EVL: variants seen among roughly 807,000 people sequenced by gnomAD.
EVL encodes Enah/Vasp-like.
A neutral mutation model predicts 59.6 loss-of-function variants in EVL; 21 were observed. That is an observed-to-expected ratio of 0.35 (90% CI 0.25 to 0.51). The LOEUF is 0.51. Ranked by LOEUF, EVL falls within the 20% of genes least tolerant of loss-of-function variation. The pLI, the probability that EVL is intolerant of heterozygous loss-of-function variation, is 0.97. For synonymous variants in EVL, 198 were observed against 203.5 expected (o/e 0.97, Z 0.23); for missense variants, 462 against 546.6 (o/e 0.85, Z 1.54).
intron 1 of EVL, among the ~76,000 whole-genome samples, chr14:100,015,182 C>CT (rs2061041169): frequency 6.6e-6 from 1 of 152,218 alleles, no homozygotes; most frequent in African/African-American, 2.4e-5. Context: ...CTTAAACTCT[C>CT]TGTTTATTGG....
At chr14:100,091,064 A>G (rs960981733) in intron 2 of EVL, among the ~76,000 whole-genome samples, 2 of 152,190 alleles carry the variant, frequency 1.3e-5, no homozygotes, top group African/African-American at 4.8e-5. Context: ...ATATTATCAT[A>G]TATGTATTAG....
chr14:100,023,881 A>G (rs1310999832), intron 1 of EVL, among the ~76,000 whole-genome samples: 5 of 152,160 alleles, frequency 3.3e-5, no homozygotes, highest in African/African-American at 4.8e-5. Flanking sequence ...GTGAAATACC[A>G]TGTAGTTTTC....
chr14:99,994,454 T>C (rs1372552713), intron 1 of EVL, among the ~76,000 whole-genome samples: 3 of 152,128 alleles, frequency 2.0e-5, no homozygotes, highest in Non-Finnish European at 4.4e-5. Flanking sequence ...ATTTTACTTG[T>C]GATTACCATT....
intron 1 of EVL, among the ~76,000 whole-genome samples, chr14:100,071,470 T>C (rs1409424376): frequency 6.6e-6 from 1 of 152,260 alleles, no homozygotes; most frequent in Non-Finnish European, 1.5e-5. Flanking sequence ...AGCTATGTGA[T>C]GTTTTGACAT....
At chr14:99,996,349 A>T (rs536645220) in intron 1 of EVL, among the ~76,000 whole-genome samples, 1 of 152,138 alleles carries the variant, frequency 6.6e-6, no homozygotes, top group Non-Finnish European at 1.5e-5. Flanking sequence ...GGGAAGGAGG[A>T]TCTGGTGTTT....
At chr14:100,017,124 A>G (rs1403428475) in intron 1 of EVL, among the ~76,000 whole-genome samples, 1 of 152,196 alleles carries the variant, frequency 6.6e-6, no homozygotes, top group African/African-American at 2.4e-5. Flanking sequence ...TTACTTAACC[A>G]CTTTGGCCTC....
intron 3 of EVL, among the ~76,000 whole-genome samples, chr14:100,118,257 C>G (rs1447729389): frequency 6.6e-6 from 1 of 152,310 alleles, no homozygotes; most frequent in Admixed American, 6.5e-5. Flanking sequence ...CTGGCTCATT[C>G]TCCGTGAAGC....
At chr14:100,089,669 C>G (rs1437493505) in intron 2 of EVL, among the ~76,000 whole-genome samples, 4 of 152,190 alleles carry the variant, frequency 2.6e-5, no homozygotes, top group Non-Finnish European at 5.9e-5. Flanking sequence ...GCCTGTAATC[C>G]CGGCATTTTG....
intron 3 of EVL, among the ~76,000 whole-genome samples, chr14:100,118,589 C>G (rs1887498385): frequency 6.6e-6 from 1 of 152,192 alleles, no homozygotes; most frequent in South Asian, 2.1e-4. Context: ...GAGCCCGCCT[C>G]TTGCAGTGCT....
chr14:100,089,066 TG>T (rs2062508166), intron 2 of EVL, among the ~76,000 whole-genome samples: 1 of 152,234 alleles, frequency 6.6e-6, no homozygotes, highest in Admixed American at 6.5e-5. Context: ...ACCTTTTTAA[TG>T]CTAAAAGGGC....
chr14:100,050,259 A>G lies in EVL; in HGVS notation c.6-34428A>G, dbSNP rs192265599. Among the ~76,000 whole-genome samples, 171 of 152,330 alleles carry G rather than the reference A, an allele frequency of 1.1e-3. 1 individual carries two copies. The highest frequency in any genetic ancestry group is 9.1e-3 in the East Asian group (47 of 5,188). On this transcript the variant is annotated intron_variant, in intron 1 of 13. Coordinates refer to the EVL transcript ENST00000402714. ...TTGAGTTTTCTGTCTTTAAACATAT[A>G]TAACTTTAAAAGAAATGTCAACAGG... is the stretch of plus-strand genomic sequence containing the variant.
intron 3 of EVL, chr14:100,106,537 T>G (rs952054997): frequency 9.2e-6 from 2 of 218,492 alleles, no homozygotes; most frequent in African/African-American, 4.6e-5. Context: ...CCTTTATGTG[T>G]TGTAATGCAC....
intron 3 of EVL, among the ~76,000 whole-genome samples, chr14:100,104,678 C>G (rs548642224): frequency 2.2e-4 from 33 of 152,324 alleles, no homozygotes; most frequent in African/African-American, 7.2e-4. Context: ...ATAGTCATAA[C>G]AGTTACCAGT....
intron 1 of EVL, among the ~76,000 whole-genome samples, chr14:100,081,754 C>T (rs114746297): frequency 6.6e-6 from 1 of 152,300 alleles, no homozygotes; most frequent in African/African-American, 2.4e-5. Flanking sequence ...CTCCTAGAAC[C>T]CCACATCCCC....
intron 1 of EVL, among the ~76,000 whole-genome samples, chr14:100,045,127 C>T (rs2061527935): frequency 6.6e-6 from 1 of 152,180 alleles, no homozygotes; most frequent in Non-Finnish European, 1.5e-5. Flanking sequence ...TTGGGAGCCA[C>T]TGCTTTGTAG....
At chr14:100,126,242 T>C (rs1294162606) in intron 4 of EVL, among the ~76,000 whole-genome samples, 1 of 152,204 alleles carries the variant, frequency 6.6e-6, no homozygotes, top group Non-Finnish European at 1.5e-5. Context: ...CTATGACCGC[T>C]CAGTGGTAAA....
chr14:100,016,609 C>A (rs77663829), intron 1 of EVL, among the ~76,000 whole-genome samples: 4,128 of 152,218 alleles, frequency 0.027, 194 homozygotes, highest in African/African-American at 0.092. Flanking sequence ...ACAACAACAA[C>A]AAAAAAACAC....
At position 100,108,498 on chromosome 14, in the gene EVL, G is replaced by T. The variant is rs1049838231; in HGVS notation, c.358+10840G>T. Among the ~76,000 whole-genome samples the T allele has an allele frequency of 2.6e-5, 4 of 152,106 alleles. No homozygotes were observed. Among genetic ancestry groups the T allele is most frequent in the Non-Finnish European group, 5.9e-5 (4 of 68,018 alleles). ...CCTGCCTGCTCCCAGCTGCCCTCTG[G>T]CGGCCACTTTCTGAAAGCCGGATAT... is the stretch of plus-strand genomic sequence containing the variant. On this transcript the variant is annotated intron_variant, in intron 3 of 13. Transcript: ENST00000392920. The surrounding 1 kb of genome is among the most constrained non-coding windows in gnomAD (Gnocchi z 4.1).
intron 2 of EVL, among the ~76,000 whole-genome samples, chr14:100,090,179 C>A (rs2062534597): frequency 6.6e-6 from 1 of 151,608 alleles, no homozygotes; most frequent in South Asian, 2.1e-4. Flanking sequence ...AAAGTTGGTT[C>A]TTTGAAAAAA....
Sources: gnomAD v4.1 joint callset for allele counts (sites outside exome capture counted in the v4.1 genomes callset) on GRCh38, gnomAD v4.1.1 for gene constraint, Gnocchi (gnomAD v3.1) non-coding constraint, MANE v1.5 for transcripts, NCBI Gene and HGNC (gene_info 2026-07-23, HGNC 2026-07-21) for gene names.